CFAP206: variants seen among roughly 807,000 people sequenced by gnomAD.
CFAP206 encodes the protein cilia- and flagella-associated protein 206.
A neutral mutation model predicts 65.4 loss-of-function variants in CFAP206; 53 were observed. The observed-to-expected ratio is 0.81, with a 90% CI of 0.65 to 1.02. The LOEUF (loss-of-function observed/expected upper bound fraction) is 1.02. Ranked by LOEUF, CFAP206 falls within the 50% of genes least tolerant of loss-of-function variation. The pLI is 0.00. For missense variants in CFAP206, 663 were observed against 753.2 expected (o/e 0.88, Z 1.40); for synonymous variants, 250 against 254.4 (o/e 0.98, Z 0.17).
intron 4 of CFAP206, among the ~76,000 whole-genome samples, chr6:87,414,105 T>G (rs1174274996): frequency 6.6e-6 from 1 of 152,200 alleles, no homozygotes; most frequent in Non-Finnish European, 1.5e-5. Context: ...TGAATTCCAA[T>G]TATTGTGCTC....
At chr6:87,430,720 C>T (rs754039929) in intron 9 of CFAP206, among the ~76,000 whole-genome samples, 1 of 152,200 alleles carries the variant, frequency 6.6e-6, no homozygotes, top group Non-Finnish European at 1.5e-5. Context: ...GTGCCCCAGT[C>T]AGCTTTTCTC....
chr6:87,426,791 C>A, intron 8 of CFAP206, 146 bp downstream of exon 8: 1 of 662,036 alleles, frequency 1.5e-6, no homozygotes, highest in Non-Finnish European at 2.2e-6. Flanking sequence ...GTTACTTTGC[C>A]GTAATAGTGT....
chr6:87,460,950 C>T, intron 11 of CFAP206, 72 bp from the exon 12 acceptor site: 2 of 1,340,750 alleles, frequency 1.5e-6, no homozygotes, highest in Middle Eastern at 1.9e-4. Flanking sequence ...TTAGTTTTAG[C>T]TAAATATTTT....
At chr6:87,434,695 A>G (rs1163109871) in intron 10 of CFAP206, among the ~76,000 whole-genome samples, 165 bp from the exon 11 acceptor site, 1 of 151,858 alleles carries the variant, frequency 6.6e-6, no homozygotes, top group Non-Finnish European at 1.5e-5. Flanking sequence ...ACGGGGTTTC[A>G]CCTTGTTGGT....
intron 8 of CFAP206, among the ~76,000 whole-genome samples, chr6:87,428,217 C>T (rs6899561): frequency 6.6e-6 from 1 of 151,116 alleles, no homozygotes; most frequent in East Asian, 1.9e-4. Flanking sequence ...TGAACTCCTG[C>T]CCTCAGGTGA....
rs9450675 is a variant in CFAP206 at position 87,411,229 on chromosome 6, C to G, written c.192+561C>G. The stretch of plus-strand genomic sequence containing the variant: ...CTTACATTGCAAACATTAACTAGTT[C>G]GTCATATACTGTGAAGTTAAATAGA... On this transcript the variant is annotated intron_variant, in intron 3 of 12. Coordinates refer to ENST00000369562, the MANE Select transcript of CFAP206 (RefSeq NM_001031743.3). Among the ~76,000 whole-genome samples, 9 of 148,240 alleles carry G rather than the reference C, an allele frequency of 6.1e-5. No homozygotes were observed. The South Asian group carries it at 8.3e-4, about 14-fold the overall frequency.
intron 6 of CFAP206, 76 bp downstream of exon 6, chr6:87,416,903 A>G: frequency 1.7e-6 from 2 of 1,194,614 alleles, no homozygotes; most frequent in Non-Finnish European, 1.2e-6. Context: ...AAAATAATAA[A>G]CAACACACCA....
intron 4 of CFAP206, among the ~76,000 whole-genome samples, chr6:87,414,284 T>G (rs923519278): frequency 6.6e-6 from 1 of 152,230 alleles, no homozygotes; most frequent in Middle Eastern, 3.2e-3. Context: ...AGTTTAAGTT[T>G]AGAAAACGTT....
At chr6:87,413,697 G>T in intron 3 of CFAP206, 113 bp from the exon 4 acceptor site, 1 of 644,280 alleles carries the variant, frequency 1.6e-6, no homozygotes, top group South Asian at 2.0e-5. Context: ...GGTTATTGGT[G>T]AATCAATATC....
chr6:87,454,728 C>G (rs2127956842), intron 11 of CFAP206, among the ~76,000 whole-genome samples: 2 of 150,004 alleles, frequency 1.3e-5, no homozygotes, highest in South Asian at 4.3e-4. Context: ...GCCTGTAATC[C>G]TAGCTACTCA....
rs1562246758 is a variant in CFAP206 at position 87,428,670 on chromosome 6, C to CG, written c.1006dup (p.Glu336GlyfsTer10). On this transcript the variant is annotated frameshift_variant, in exon 9 of 13. Coordinates refer to ENST00000369562, the MANE Select transcript of CFAP206 (RefSeq NM_001031743.3). LOFTEE classifies it high-confidence loss of function. The stretch of plus-strand genomic sequence containing the variant: ...CTACTCTGTGGACCAGCTTGCAAGA[C>CG]GAAACTATTGTGGTTGGTGTCCTCA... 1 of 1,614,098 alleles carries CG rather than the reference C, an allele frequency of 6.2e-7. No individual in the cohort carries two copies. The highest frequency in any genetic ancestry group is 1.7e-5 in the Admixed American group (1 of 60,014).
At chr6:87,409,982 T>G (rs1307885344) in intron 2 of CFAP206, 35 bp downstream of exon 2, 12 of 1,433,462 alleles carry the variant, frequency 8.4e-6, no homozygotes, top group Non-Finnish European at 1.2e-5. Flanking sequence ...ACTGTTTTAT[T>G]AAGAGGTTTT....
At chr6:87,459,629 A>G (rs1768706912) in intron 11 of CFAP206, among the ~76,000 whole-genome samples, 1 of 152,202 alleles carries the variant, frequency 6.6e-6, no homozygotes, top group Admixed American at 6.5e-5. Flanking sequence ...AATGGAGGCA[A>G]TGCTGATTTT....
rs1457650475 is a variant in CFAP206, at chr6:87,426,538, A to G, written c.853A>G (p.Thr285Ala). The change falls in exon 8 of 13, where the codon ACT becomes GCT. Residue 285 changes from threonine to alanine, a missense_variant. Coordinates refer to ENST00000369562, the MANE Select transcript of CFAP206 (RefSeq NM_001031743.3). ...FLQIILSDIITGAQEVEMMTK... is the reference protein window; with the variant it reads ...FLQIILSDIIAGAQEVEMMTK... ...GTTGTTTTCACAGTCAGATATAATTACTGGTGCTCAAGAAGTGGAAATGAT... is the reference window on the plus strand; with the variant it reads ...GTTGTTTTCACAGTCAGATATAATTGCTGGTGCTCAAGAAGTGGAAATGAT... 6.3e-7 allele frequency: 1 copy of G among 1,582,292 alleles called. No individual in the cohort carries two copies. The highest frequency in any genetic ancestry group is 1.4e-5 in the African/African-American group (1 of 73,824).
intron 10 of CFAP206, among the ~76,000 whole-genome samples, chr6:87,433,112 CT>C (rs1179437713): frequency 6.6e-6 from 1 of 152,220 alleles, no homozygotes; most frequent in Non-Finnish European, 1.5e-5. Context: ...CCTTTGCACT[CT>C]TGGAAAAACT....
rs1487791843 is a variant in CFAP206 at position 87,431,162 on chromosome 6, T to A, written c.1289T>A (p.Leu430His). 6.2e-7 allele frequency: 1 copy of A among 1,613,872 alleles called. No homozygotes were observed. The highest frequency in any genetic ancestry group is 2.2e-5 in the East Asian group (1 of 44,868). ...TACACGTTTGCTGCAACAGATGGTC[T>A]TCTCCTTCCAGGTATATCATTGGAA... ...CAYTFAATDG[L>H]LLPGNPAIGI... Residue 430 changes from leucine to histidine, a missense_variant, in exon 10 of 13, where the codon CTT becomes CAT. Leu to His is a moderately conservative substitution (Grantham distance 99, BLOSUM62 -3). Coordinates refer to ENST00000369562, the MANE Select transcript of CFAP206 (RefSeq NM_001031743.3).
chr6:87,459,212 G>A (rs1768700091), intron 11 of CFAP206, among the ~76,000 whole-genome samples: 1 of 151,994 alleles, frequency 6.6e-6, no homozygotes. Context: ...TAATTTTTCT[G>A]CAAATTAGAA....
intron 7 of CFAP206, among the ~76,000 whole-genome samples, chr6:87,421,983 A>G (rs1297912269): frequency 6.6e-6 from 1 of 152,206 alleles, no homozygotes. Flanking sequence ...ACTTGTTGAA[A>G]ATTGTCCGTG....
chr6:87,411,740 A>G (rs1178868221), intron 3 of CFAP206, among the ~76,000 whole-genome samples: 3 of 152,022 alleles, frequency 2.0e-5, no homozygotes, highest in Non-Finnish European at 4.4e-5. Flanking sequence ...TGGTAATCCA[A>G]TTTTCCCAGC....
Sources: gnomAD v4.1 joint callset for allele counts (sites outside exome capture counted in the v4.1 genomes callset) on GRCh38, gnomAD v4.1.1 for gene constraint, MANE v1.5 for transcripts, NCBI Gene and HGNC (gene_info 2026-07-23, HGNC 2026-07-21) for gene names.